KIF15: variants seen among roughly 807,000 people sequenced by gnomAD.
The protein encoded by KIF15 is kinesin family member 15.
Under a neutral mutation model 190.6 loss-of-function variants are expected in KIF15, and 140 were observed. The ratio of observed to expected loss-of-function variants is 0.73; its 90% CI spans 0.64 to 0.84. KIF15 has a LOEUF of 0.84. Among genes scored for constraint, KIF15 ranks in the 40% least tolerant of loss-of-function variants. KIF15 has a pLI of 0.00. For synonymous variants in KIF15, 528 were observed against 551.3 expected, an observed-to-expected ratio of 0.96 and a Z score of 0.59; for missense variants, 1,372 against 1,584.4, an observed-to-expected ratio of 0.87 and a Z score of 2.28.
downstream of KIF15, among the ~76,000 whole-genome samples, chr3:44,854,425 A>T (rs1575698069): frequency 6.6e-6 from 1 of 152,294 alleles, no homozygotes; most frequent in Non-Finnish European, 1.5e-5. Context: ...TTTTAATAAA[A>T]CTGCAGGAAA....
At chr3:44,849,642 C>T (rs1698990925) in intron 32 of KIF15, among the ~76,000 whole-genome samples, 1 of 151,962 alleles carries the variant, frequency 6.6e-6, no homozygotes, top group Non-Finnish European at 1.5e-5. Flanking sequence ...TTTCTACACC[C>T]TGCAGGATTT....
At chr3:44,821,022 CG>C (rs141519542) in intron 20 of KIF15, among the ~76,000 whole-genome samples, 124,969 of 126,628 alleles carry the variant, frequency 0.99, 61,665 homozygotes, top group Admixed American at 0.99. Context: ...GCTGGCCGGG[CG>C]GGGGGGCTGA....
intron 6 of KIF15, among the ~76,000 whole-genome samples, chr3:44,866,974 T>G (rs1487732069): frequency 1.3e-5 from 2 of 152,172 alleles, no homozygotes. Context: ...ACCCTTGAGC[T>G]CCCATGGGGG....
At chr3:44,784,308 GACTAC>G (rs2125915033) in intron 5 of KIF15, among the ~76,000 whole-genome samples, 1 of 152,100 alleles carries the variant, frequency 6.6e-6, no homozygotes, top group South Asian at 2.1e-4. Context: ...GAGTAGCTGG[GACTAC>G]AGGCGCCCGC....
chr3:44,838,608 C>T (rs528853140), intron 27 of KIF15, among the ~76,000 whole-genome samples, 187 bp downstream of exon 27: 6 of 152,074 alleles, frequency 3.9e-5, no homozygotes, highest in South Asian at 2.1e-4. Context: ...GTTAGCCGGG[C>T]GTGGTGGCGC....
chr3:44,798,400 C>G (rs991463560), intron 10 of KIF15, among the ~76,000 whole-genome samples: 1 of 150,434 alleles, frequency 6.6e-6, no homozygotes, highest in Non-Finnish European at 1.5e-5. Flanking sequence ...GAGTCTTGCT[C>G]TGTCACCCAG....
intron 17 of KIF15, 64 bp from the exon 18 acceptor site, chr3:44,812,118 A>C: frequency 8.3e-7 from 1 of 1,209,984 alleles, no homozygotes. Context: ...ATGCAGACGA[A>C]ATGGTGGAAT....
chr3:44,854,111 G>A (rs974675717), downstream of KIF15, among the ~76,000 whole-genome samples: 2 of 152,180 alleles, frequency 1.3e-5, no homozygotes, highest in Non-Finnish European at 2.9e-5. Context: ...AGGGCTGGGT[G>A]TGGTGGCTCA....
At chr3:44,774,266 A>G in intron 1 of KIF15, 129 bp from the exon 2 acceptor site, 1 of 719,020 alleles carries the variant, frequency 1.4e-6, no homozygotes, top group South Asian at 1.8e-5. Context: ...TGGGCTGTGG[A>G]GCACAGCATT....
intron 6 of KIF15, chr3:44,865,215 A>G (rs758432378): frequency 6.2e-7 from 1 of 1,613,234 alleles, no homozygotes; most frequent in Non-Finnish European, 8.5e-7. Flanking sequence ...TGGAAAGATC[A>G]TGATGGTGGC....
intron 10 of KIF15, among the ~76,000 whole-genome samples, chr3:44,800,020 G>A (rs1707189703): frequency 6.6e-6 from 1 of 152,070 alleles, no homozygotes; most frequent in African/African-American, 2.4e-5. Context: ...GAAGTATTAG[G>A]TGAACACACC....
chr3:44,767,367 G>A (rs1024001368), intron 1 of KIF15, among the ~76,000 whole-genome samples: 1 of 152,194 alleles, frequency 6.6e-6, no homozygotes, highest in African/African-American at 2.4e-5. Flanking sequence ...GGTATATTTT[G>A]AAATTAGAGC....
rs1298251429 is a variant in KIF15, at chr3:44,829,674, TATGTATATATATTATAG to T, written c.2944-252_2944-236del. On this transcript the variant is annotated intron_variant, in intron 24 of 34. Coordinates refer to ENST00000326047, the MANE Select transcript of KIF15 (RefSeq NM_020242.3). Reference sequence around the variant, plus strand: ...ATGTATATATTATGTATATATAATATATGTATATATATTATAGATGTATATATATTATAGATGTATAT... The same window carrying T: ...ATGTATATATTATGTATATATAATATATGTATATATATTATAGATGTATAT... Among the ~76,000 whole-genome samples the T allele has an allele frequency of 8.1e-3, 1,022 of 125,894 alleles. 21 individuals carry two copies. Among genetic ancestry groups the T allele is most frequent in the Non-Finnish European group, 0.011 (706 of 64,134 alleles). The allele number at this position is 125,894 out of a possible 152,430, so 82.6% of individuals were successfully genotyped here. A position where few individuals can be genotyped will look rare whatever the true frequency, so the allele number is the denominator to read the frequency against.
At chr3:44,810,771 C>G in intron 16 of KIF15, 75 bp from the exon 17 acceptor site, 1 of 1,193,588 alleles carries the variant, frequency 8.4e-7, no homozygotes. Context: ...ATTTTATCCT[C>G]TCTATTCACA....
chr3:44,822,200 A>C (rs1697378043), intron 20 of KIF15, among the ~76,000 whole-genome samples: 1 of 152,122 alleles, frequency 6.6e-6, no homozygotes, highest in South Asian at 2.1e-4. Flanking sequence ...GTCAGGCCTG[A>C]TGGTGACAAA....
intron 33 of KIF15, 91 bp from the exon 34 acceptor site, chr3:44,852,117 C>G: frequency 6.7e-7 from 1 of 1,491,602 alleles, no homozygotes; most frequent in South Asian, 1.3e-5. Context: ...CTCTGACTTC[C>G]TGTGCTCCTG....
intron 21 of KIF15, 36 bp downstream of exon 21, chr3:44,826,225 G>A (rs759651287): frequency 6.4e-7 from 1 of 1,563,740 alleles, no homozygotes; most frequent in Non-Finnish European, 8.6e-7. Flanking sequence ...CCGCATCTGT[G>A]ACTGTCCTTT....
At position 44,789,642 on chromosome 3, in the gene KIF15, T is replaced by TTATA. The variant is rs56009369; in HGVS notation, c.639+3115_639+3118dup. Among the ~76,000 whole-genome samples, 1,123 of 112,754 alleles carry TTATA rather than the reference T, an allele frequency of 1.0e-2. 9 individuals carry two copies. The highest frequency in any genetic ancestry group is 0.015 in the Non-Finnish European group (823 of 55,848). The allele number at this position is 112,754 out of a possible 152,430, so 74.0% of individuals were successfully genotyped here. A position where few individuals can be genotyped will look rare whatever the true frequency, so the allele number is the denominator to read the frequency against. On this transcript the variant is annotated intron_variant, in intron 7 of 34. Transcript: ENST00000326047. ...GTTTCATTGCGATTTTTGTCTAATTTTATATATATATATATATATATATAT... is the reference window on the plus strand; with the variant it reads ...GTTTCATTGCGATTTTTGTCTAATTTTATATATATATATATATATATATATATAT...
At position 44,761,829 on chromosome 3, in the gene KIF15, G is replaced by C. The variant is rs775452644; in HGVS notation, c.-37G>C. 4 of 1,614,130 alleles carry C rather than the reference G, an allele frequency of 2.5e-6. No individual in the cohort carries two copies. Among genetic ancestry groups the C allele is most frequent in the Non-Finnish European group, 3.4e-6 (4 of 1,180,006 alleles). ...GGTGCAGTCGGGAGGTGGAGGCACC[G>C]GCTGCATTGTTTTCGGGATCGAGGG... On this transcript the variant is annotated 5_prime_UTR_variant, in exon 1 of 35. Transcript: ENST00000326047.
Sources: allele counts gnomAD v4.1 joint callset (sites outside exome capture counted in the v4.1 genomes callset), GRCh38; gene constraint gnomAD v4.1.1; transcripts MANE v1.5; gene names NCBI Gene and HGNC (gene_info 2026-07-23, HGNC 2026-07-21).